The following KCP variants were observed in gnomAD, a reference collection of about 807,000 sequenced individuals.
KCP encodes the protein kielin cysteine rich BMP regulator.
A neutral mutation model predicts 212.7 loss-of-function variants in KCP; 194 were observed. The ratio of observed to expected loss-of-function variants is 0.91; its 90% CI spans 0.81 to 1.03. The LOEUF (loss-of-function observed/expected upper bound fraction) is 1.03, where lower values mean the gene tolerates loss of function less well. KCP is among the 50% of genes least tolerant of loss of function. The probability of loss-of-function intolerance (pLI) is 0.00; values close to 1 mark genes in which losing one functional copy is unlikely to be tolerated. For missense variants in KCP, 2,080 were observed against 2,162.5 expected, an observed-to-expected ratio of 0.96 and a Z score of 0.76; for synonymous variants, 833 against 865.3, an observed-to-expected ratio of 0.96 and a Z score of 0.65.
Position 128,894,020 on chromosome 7 carries a change from C to A in KCP, c.961G>T (p.Glu321Ter), listed in dbSNP as rs1794358505. 1 of 1,550,082 alleles carries A rather than the reference C, an allele frequency of 6.5e-7. No individual in the cohort carries two copies. The highest frequency in any genetic ancestry group is 1.2e-5 in the South Asian group (1 of 84,018). ...CAGGGGTCCCCTGAGCCCACAGGCT[C>A]CCCGCTGCGGTGCTCCCGCCCGTTT... Reference protein sequence around the residue: ...FLNGREHRSGEPVGSGDPCSH... With the variant: ...FLNGREHRSG The change falls in exon 10 of 40, where the codon GAG becomes TAG. Residue 321 changes from glutamate (E) to a stop codon, truncating the protein, a stop_gained. Transcript: ENST00000610776. LOFTEE classifies it high-confidence loss of function.
At chr7:128,906,146 A>C (rs1585257063) in intron 5 of KCP, 133 bp downstream of exon 5, 1 of 729,152 alleles carries the variant, frequency 1.4e-6, no homozygotes, top group South Asian at 1.6e-5. Context: ...TGGGTTCTGC[A>C]CTCCCCTGGC....
chr7:128,908,296 A>AAGAAAGAAAGAAAGAAAGAAAGAG (rs1795258980), intron 2 of KCP, 130 bp downstream of exon 2: 1 of 670,482 alleles, frequency 1.5e-6, no homozygotes, highest in South Asian at 7.0e-5. Context: ...GAAAGAAAGA[A>AAGAAAGAAAGAAAGAAAGAAAGAG]AGAAAGAAAG....
In KCP at chr7:128,891,518, C is replaced by T. The variant is rs562068721; in HGVS notation, c.1811G>A (p.Gly604Glu). 8 of 1,549,670 alleles carry T rather than the reference C, an allele frequency of 5.2e-6. No homozygotes were observed. The highest frequency in any genetic ancestry group is 4.8e-5 in the South Asian group (4 of 84,042). Residue 604 changes from glycine to glutamate, a missense_variant, in exon 18 of 40, where the codon GGG becomes GAG. Physicochemically the swap from Gly to Glu is moderately conservative, Grantham distance 98. Coordinates refer to ENST00000610776, the MANE Select transcript of KCP (RefSeq NM_001366122.1). ...GTCCGCTCCGCTGGGGTACTCTTTC[C>T]CGCCAAAGGCACAGCCTGGGGGAGG... ...PNDCSGCAFG[G>E]KEYPSGADFP... is the part of the protein sequence containing the mutation.
intron 8 of KCP, among the ~76,000 whole-genome samples, chr7:128,897,050 G>A (rs949477629): frequency 8.5e-5 from 13 of 152,068 alleles, no homozygotes; most frequent in Non-Finnish European, 1.5e-4. Flanking sequence ...CTGCAAGCTG[G>A]GTGAATGAAT....
At position 128,879,763 on chromosome 7, in the gene KCP, C is replaced by T. The variant is rs1254797932; in HGVS notation, c.3999G>A (p.Leu1333=). The change falls in exon 36 of 40, where the codon CTG becomes CTA. Residue 1333 remains leucine, a synonymous_variant. Transcript: ENST00000610776. ...GVAWTQEVAV[L]LGDMAVRLLQ... Reference sequence around the variant, plus strand: ...GCAGCCGCACGGCCATGTCTCCCAGCAGCACCGCCACCTCCTGGGTCCAGG... The same window carrying T: ...GCAGCCGCACGGCCATGTCTCCCAGTAGCACCGCCACCTCCTGGGTCCAGG... The T allele has an allele frequency of 3.2e-6, 5 of 1,550,434 alleles. No homozygotes were observed. The highest frequency in any genetic ancestry group is 4.4e-6 in the Non-Finnish European group (5 of 1,147,004).
Position 128,881,049 on chromosome 7 carries a change from T to C in KCP, c.3461A>G (p.Asp1154Gly), listed in dbSNP as rs1397582482. 6 of 398,692 alleles carry C rather than the reference T, an allele frequency of 1.5e-5. No homozygotes were observed. In the Admixed American group the frequency reaches 2.2e-4, roughly 15 times the overall value. The allele number at this position is 398,692 out of a possible 1,614,324, so 24.7% of individuals were successfully genotyped here. A position where few individuals can be genotyped will look rare whatever the true frequency, so the allele number is the denominator to read the frequency against. The change falls in exon 32 of 40, where the codon GAT becomes GGT. Residue 1154 changes from aspartate (D) to glycine (G), a missense_variant. Asp to Gly is a moderately conservative substitution (Grantham distance 94). Coordinates refer to ENST00000610776, the MANE Select transcript of KCP (RefSeq NM_001366122.1). Reference protein sequence around the residue: ...VVEAEGRRVADGESWRDPSNA... With the variant: ...VVEAEGRRVAGGESWRDPSNA... ...GCTGGGGTCCCGCCAGCTCTCTCCATCTGCCACTCTCCGGCCCTCGGCCTC... is the reference window on the plus strand; with the variant it reads ...GCTGGGGTCCCGCCAGCTCTCTCCACCTGCCACTCTCCGGCCCTCGGCCTC...
intron 2 of KCP, 87 bp from the exon 3 acceptor site, chr7:128,907,540 A>C: frequency 1.0e-6 from 1 of 980,896 alleles, no homozygotes; most frequent in Non-Finnish European, 1.4e-6. Flanking sequence ...ATGAGGCAGG[A>C]TGAGAAAGAA....
At position 128,878,608 on chromosome 7, in the gene KCP, G is replaced by C. The variant is rs1235638829; in HGVS notation, c.4261C>G (p.Pro1421Ala). The stretch of plus-strand genomic sequence containing the variant: ...TCCGAGGGCAGGAGCAGCCCCTCAG[G>C]GCCCTGCAGATCGTCCTGGGCAAAG... ...NGFAQDDLQG[P>A]EGLLLPSEAA... Residue 1421 changes from proline (P) to alanine (A), a missense_variant, in exon 38 of 40, where the codon CCT becomes GCT. By Grantham distance (27) the Pro-to-Ala change is conservative. Transcript: ENST00000610776. 1 of 1,551,400 alleles carries C rather than the reference G, an allele frequency of 6.4e-7. No individual in the cohort carries two copies. The highest frequency in any genetic ancestry group is 1.4e-5 in the African/African-American group (1 of 73,050).
chr7:128,906,212 G>A, intron 5 of KCP, 67 bp downstream of exon 5: 3 of 1,311,774 alleles, frequency 2.3e-6, no homozygotes, highest in Non-Finnish European at 1.1e-6. Context: ...TCACTGAGGT[G>A]GCAGGCTGTG....
At chr7:128,893,161 C>T in intron 13 of KCP, 77 bp downstream of exon 13, 2 of 1,425,736 alleles carry the variant, frequency 1.4e-6, no homozygotes, top group East Asian at 2.5e-5. Flanking sequence ...GTACCCCGTC[C>T]TGGGAAGGAG....
chr7:128,890,595 G>T, intron 20 of KCP, 82 bp from the exon 21 acceptor site: 1 of 1,226,718 alleles, frequency 8.2e-7, no homozygotes, highest in Non-Finnish European at 1.1e-6. Flanking sequence ...GAGGGGCGTG[G>T]AGGACGGGTG....
chr7:128,906,190 CA>C, intron 5 of KCP, 88 bp downstream of exon 5: 2 of 1,110,660 alleles, frequency 1.8e-6, no homozygotes, highest in South Asian at 1.3e-5. Context: ...CACCCCTGGG[CA>C]TGTCCCAGAC....
Position 128,907,400 on chromosome 7 carries a change from A to C in KCP, c.273T>G (p.Pro91=). 6.6e-7 allele frequency: 1 copy of C among 1,525,710 alleles called. No individual in the cohort carries two copies. Among genetic ancestry groups the C allele is most frequent in the Non-Finnish European group, 8.9e-7 (1 of 1,127,588 alleles). 94.5% of individuals were successfully genotyped at this position (1,525,710 alleles called of 1,614,324 possible). The change falls in exon 3 of 40, where the codon CCT becomes CCG. Residue 91 remains proline (P), a synonymous_variant. Coordinates refer to ENST00000610776, the MANE Select transcript of KCP (RefSeq NM_001366122.1). The part of the protein sequence containing the change: ...VRQLESCECH[P]ASPQCWGLGR... The stretch of plus-strand genomic sequence containing the variant: ...CCAGCCCCCAGCACTGGGGAGATGC[A>C]GGGTGGCACTCACAGGACTCCAGCT...
intron 5 of KCP, among the ~76,000 whole-genome samples, chr7:128,904,586 G>GC (rs1795030627): frequency 6.6e-6 from 1 of 152,246 alleles, no homozygotes; most frequent in Non-Finnish European, 1.5e-5. Context: ...GGCTTGGCAT[G>GC]GTCAGGCCGG....
chr7:128,892,678 G>C lies in KCP; in HGVS notation c.1527+10C>G. The stretch of plus-strand genomic sequence containing the variant: ...GGCTCAGCAGGGCAGCAGCAAGGCT[G>C]GGCAGTTACCTGACAGTGGCAGGCA... On this transcript the variant is annotated intron_variant, in intron 15 of 39. Transcript: ENST00000610776. 6.4e-7 allele frequency: 1 copy of C among 1,551,596 alleles called. No homozygotes were observed. Among genetic ancestry groups the C allele is most frequent in the Non-Finnish European group, 8.7e-7 (1 of 1,146,822 alleles).
rs755115129 is a variant in KCP, at chr7:128,877,604, G to A, written c.4498C>T (p.Leu1500=). ...GAGGAGCCAGGGCCACAGGCACACA[G>A]GTCATACACACAGGCGGCAAAGAAG... The part of the protein sequence containing the change: ...EPFFAACVYD[L]CACGPGSSAD... The change falls in exon 39 of 40, where the codon CTG becomes TTG. Residue 1500 remains leucine, a synonymous_variant. Transcript: ENST00000610776. The A allele has an allele frequency of 2.6e-6, 4 of 1,551,704 alleles. No homozygotes were observed. The highest frequency in any genetic ancestry group is 2.4e-5 in the South Asian group (2 of 84,068).
chr7:128,898,267 G>C (rs530655483), intron 8 of KCP, among the ~76,000 whole-genome samples: 1 of 152,262 alleles, frequency 6.6e-6, no homozygotes, highest in South Asian at 2.1e-4. Context: ...TGTTGCCCAG[G>C]CTGGTCTCAA....
intron 29 of KCP, among the ~76,000 whole-genome samples, chr7:128,882,796 G>A (rs1014770727): frequency 3.3e-5 from 5 of 152,096 alleles, no homozygotes; most frequent in Non-Finnish European, 4.4e-5. Flanking sequence ...CAGAAAAGTC[G>A]GCGAGGTGGC....
chr7:128,880,237 A>T (rs7786074), intron 34 of KCP, 149 bp downstream of exon 34: 363,270 of 1,278,628 alleles, frequency 0.28, 59,422 homozygotes, highest in African/African-American at 0.68. Flanking sequence ...AGGGCACCAC[A>T]TCGTGGTCGC....
Sources: gnomAD v4.1 joint callset for allele counts (sites outside exome capture counted in the v4.1 genomes callset) on GRCh38, gnomAD v4.1.1 for gene constraint, MANE v1.5 for transcripts, NCBI Gene and HGNC (gene_info 2026-07-23, HGNC 2026-07-21) for gene names.